Variants in COL22A1 observed in about 807,000 individuals in gnomAD.
COL22A1 encodes the protein collagen alpha-1(XXII) chain.
COL22A1 carries 221 observed loss-of-function variants against 248.9 expected under a neutral mutation model. The observed-to-expected ratio is 0.89, with a 90% CI of 0.80 to 0.99. The LOEUF is 0.99. Among genes scored for constraint, COL22A1 ranks in the 50% least tolerant of loss-of-function variants. COL22A1 has a pLI of 0.00. For synonymous variants in COL22A1, 891 were observed against 793.4 expected (o/e 1.12, Z -2.07); for missense variants, 2,240 against 2,179.0 (o/e 1.03, Z -0.56).
At chr8:138,854,168 A>T (rs1821842202) in intron 3 of COL22A1, among the ~76,000 whole-genome samples, 1 of 152,070 alleles carries the variant, frequency 6.6e-6, no homozygotes, top group East Asian at 1.9e-4. Flanking sequence ...TGACTGTGGG[A>T]TGCTTGTGTT....
At chr8:138,607,271 G>A (rs1818496479) in intron 57 of COL22A1, among the ~76,000 whole-genome samples, 2 of 152,186 alleles carry the variant, frequency 1.3e-5, no homozygotes, top group African/African-American at 4.8e-5. Flanking sequence ...GTGGCCTTCT[G>A]AGTCAGGCAG....
At position 138,839,350 on chromosome 8, in the gene COL22A1, C is replaced by T. The variant is rs185682753; in HGVS notation, c.733+4734G>A. ...ATAGGGTGGGCTGGTGCCGGTCAGG[C>T]TGGGCTTTTGTCGGCTCCATCGGCG... On this transcript the variant is annotated intron_variant, in intron 4 of 64. Transcript: ENST00000303045. 4.6e-5 allele frequency among the ~76,000 whole-genome samples: 7 copies of T among 152,198 alleles called. No homozygotes were observed. In the East Asian group the frequency reaches 9.7e-4, roughly 21 times the overall value.
chr8:138,773,115 CTG>C (rs1834526783), intron 16 of COL22A1, among the ~76,000 whole-genome samples: 1 of 152,230 alleles, frequency 6.6e-6, no homozygotes, highest in East Asian at 1.9e-4. Context: ...CAGATTAGTG[CTG>C]TGTGACTTAC....
chr8:138,894,956 G>T (rs1034008842), intron 1 of COL22A1, among the ~76,000 whole-genome samples: 1 of 151,844 alleles, frequency 6.6e-6, no homozygotes, highest in African/African-American at 2.4e-5. Context: ...CTACTCAGAA[G>T]GTGGAGGCAA....
chr8:138,883,653 T>G (rs1824418416), intron 1 of COL22A1, among the ~76,000 whole-genome samples: 1 of 152,164 alleles, frequency 6.6e-6, no homozygotes. Context: ...GCTGTTCTTA[T>G]GATATTGAGT....
chr8:138,591,349 T>C, intron 64 of COL22A1, 75 bp downstream of exon 64: 1 of 1,116,312 alleles, frequency 9.0e-7, no homozygotes, highest in South Asian at 1.8e-5. Flanking sequence ...CTGAGTCCTG[T>C]GGGGCCACGG....
intron 63 of COL22A1, 67 bp from the exon 64 acceptor site, chr8:138,591,568 C>G (rs1488254357): frequency 4.6e-6 from 6 of 1,300,924 alleles, no homozygotes; most frequent in Non-Finnish European, 6.2e-6. Flanking sequence ...GGGCGTCCCA[C>G]CTTGCGGGAG....
At chr8:138,899,135 C>T (rs776512851) in intron 1 of COL22A1, among the ~76,000 whole-genome samples, 3 of 152,106 alleles carry the variant, frequency 2.0e-5, no homozygotes, top group Non-Finnish European at 4.4e-5. Context: ...TCCTCTTCCC[C>T]CTCTTTATTC....
chr8:138,840,759 C>T (rs938865477), intron 4 of COL22A1, among the ~76,000 whole-genome samples: 6 of 152,104 alleles, frequency 3.9e-5, no homozygotes, highest in African/African-American at 1.4e-4. Flanking sequence ...GCACGCACCA[C>T]CATAGTTGGC....
Position 138,904,886 on chromosome 8 carries a change from C to T in COL22A1, c.-73+8733G>A, listed in dbSNP as rs186393285. ...CCCTTTGAGATGTGAGACAGCACAG[C>T]GGGAGGGCCATGGACCATGAGGCCC... On this transcript the variant is annotated intron_variant, in intron 1 of 64. Coordinates refer to ENST00000303045, the MANE Select transcript of COL22A1 (RefSeq NM_152888.3). Among the ~76,000 whole-genome samples the T allele has an allele frequency of 2.1e-3, 320 of 152,246 alleles. 3 individuals are homozygous for T. The highest frequency in any genetic ancestry group is 0.018 in the Admixed American group (277 of 15,296).
chr8:138,865,652 TGA>T (rs1373496043), intron 3 of COL22A1, among the ~76,000 whole-genome samples: 29 of 146,760 alleles, frequency 2.0e-4, no homozygotes, highest in South Asian at 1.3e-3. Flanking sequence ...TGCTGGTGTG[TGA>T]GTGTGTGTAT....
chr8:138,662,376 G>A (rs755222179), intron 42 of COL22A1, among the ~76,000 whole-genome samples: 1 of 152,096 alleles, frequency 6.6e-6, no homozygotes, highest in Non-Finnish European at 1.5e-5. Context: ...AGCTCCTGTG[G>A]TGAGATGGGC....
chr8:138,646,710 G>A, intron 46 of COL22A1, 28 bp from the exon 47 acceptor site: 1 of 1,513,456 alleles, frequency 6.6e-7, no homozygotes, highest in Non-Finnish European at 8.9e-7. Context: ...GAAAAAAAAA[G>A]AAAACAAGAA....
chr8:138,662,573 G>A (rs184558948), intron 42 of COL22A1, among the ~76,000 whole-genome samples: 2 of 152,208 alleles, frequency 1.3e-5, no homozygotes, highest in East Asian at 1.9e-4. Context: ...ATCAGGAAAC[G>A]GCACAGATAT....
chr8:138,680,541 G>A (rs1311536745), intron 39 of COL22A1, among the ~76,000 whole-genome samples: 4 of 152,132 alleles, frequency 2.6e-5, no homozygotes, highest in African/African-American at 9.7e-5. Flanking sequence ...ATTAGAAGGG[G>A]CCAAGGGGCA....
At chr8:138,761,039 A>C (rs1407058619) in intron 17 of COL22A1, among the ~76,000 whole-genome samples, 1 of 152,182 alleles carries the variant, frequency 6.6e-6, no homozygotes, top group African/African-American at 2.4e-5. Context: ...GGACATAGAC[A>C]TGCGTTCAAG....
At chr8:138,755,011 G>T in intron 21 of COL22A1, 146 bp downstream of exon 21, 1 of 772,504 alleles carries the variant, frequency 1.3e-6, no homozygotes, top group Non-Finnish European at 2.2e-6. Context: ...TACGTGAGAC[G>T]TGACCACAAC....
At position 138,878,264 on chromosome 8, in the gene COL22A1, G is replaced by T; in HGVS notation, c.144C>A (p.Ser48Arg). 1.3e-6 allele frequency: 2 copies of T among 1,582,946 alleles called. No homozygotes were observed. The highest frequency in any genetic ancestry group is 1.2e-5 in the South Asian group (1 of 85,616). The change falls in exon 3 of 65, where the codon AGC (serine) becomes AGA (arginine). Residue 48 changes from serine to arginine, a missense_variant. Transcript: ENST00000303045. Reference protein sequence around the residue: ...DLVFLLDTSSSVGKEDFEKVR... With the variant: ...DLVFLLDTSSRVGKEDFEKVR... The stretch of plus-strand genomic sequence containing the variant: ...CCTTCTCAAAGTCCTCCTTGCCCAC[G>T]CTGGAGGAGGTGTCCAGGAGGAAGA...
intron 3 of COL22A1, among the ~76,000 whole-genome samples, chr8:138,865,607 G>A (rs1477709875): frequency 6.6e-6 from 1 of 151,758 alleles, no homozygotes; most frequent in Non-Finnish European, 1.5e-5. Context: ...GTGTATGTTT[G>A]TATGCCTGTG....
Sources: allele counts gnomAD v4.1 joint callset (sites outside exome capture counted in the v4.1 genomes callset), GRCh38; gene constraint gnomAD v4.1.1; transcripts MANE v1.5; gene names NCBI Gene and HGNC (gene_info 2026-07-23, HGNC 2026-07-21).